SLC36A1: variants seen among roughly 807,000 people sequenced by gnomAD.
SLC36A1 encodes the protein proton-coupled amino acid transporter 1.
In SLC36A1, 30 loss-of-function variants were observed where a neutral mutation model predicts 47.5. The observed-to-expected ratio is 0.63, with a 90% CI of 0.47 to 0.86. The LOEUF (loss-of-function observed/expected upper bound fraction) is 0.86. Ranked by LOEUF, SLC36A1 falls within the 40% of genes least tolerant of loss-of-function variation. SLC36A1 has a pLI of 0.00. For missense variants in SLC36A1, 517 were observed against 606.0 expected (o/e 0.85, Z 1.54); for synonymous variants, 255 against 249.7 (o/e 1.02, Z -0.20).
chr5:151,471,484 A>G (rs898145326), intron 7 of SLC36A1, among the ~76,000 whole-genome samples: 4 of 152,216 alleles, frequency 2.6e-5, no homozygotes, highest in East Asian at 3.8e-4. Context: ...GATCTGATGT[A>G]TGAATAAGAG....
the SLC36A1 span, among the ~76,000 whole-genome samples, chr5:151,525,547 A>G: frequency 2.0e-5 from 3 of 151,394 alleles, no homozygotes; most frequent in East Asian, 5.8e-4. Flanking sequence ...AGTCACTTAA[A>G]TCCCCTGTGT....
At chr5:151,439,522 G>T (rs1286099922) in intron 1 of SLC36A1, among the ~76,000 whole-genome samples, 1 of 151,982 alleles carries the variant, frequency 6.6e-6, no homozygotes, top group East Asian at 1.9e-4. Flanking sequence ...GCGTGGTGGT[G>T]TGTGCCTGTA....
chr5:151,352,978 C>T, the SLC36A1 span, among the ~76,000 whole-genome samples: 4 of 152,230 alleles, frequency 2.6e-5, no homozygotes, highest in South Asian at 2.1e-4. Flanking sequence ...TGGGGCTAGA[C>T]CCCCTCTGGA....
chr5:151,488,428 G>T lies in SLC36A1; in HGVS notation c.*174G>T. On this transcript the variant is annotated 3_prime_UTR_variant, in exon 11 of 11. Coordinates refer to ENST00000243389, the MANE Select transcript of SLC36A1 (RefSeq NM_078483.4). ...CAGGTAACCTGAGGGCAGGGGAGAGGTGGGGTGGCAGACACGCAGAAGTGC... is the reference window on the plus strand; with the variant it reads ...CAGGTAACCTGAGGGCAGGGGAGAGTTGGGGTGGCAGACACGCAGAAGTGC... 1 of 797,662 alleles carries T rather than the reference G, an allele frequency of 1.3e-6. No homozygotes were observed. The allele number at this position is 797,662 out of a possible 1,614,324, so 49.4% of individuals were successfully genotyped here.
chr5:151,533,758 A>G, the SLC36A1 span, among the ~76,000 whole-genome samples: 1 of 149,850 alleles, frequency 6.7e-6, no homozygotes, highest in Non-Finnish European at 1.5e-5. Context: ...TATATATGTG[A>G]TATATATATA....
the SLC36A1 span, among the ~76,000 whole-genome samples, chr5:151,396,877 C>T: frequency 6.6e-6 from 1 of 152,188 alleles, no homozygotes; most frequent in African/African-American, 2.4e-5. Flanking sequence ...GTTCTTGAAG[C>T]TAGCAAGTGA....
At chr5:151,436,457 A>T (rs992362545), upstream of SLC36A1, among the ~76,000 whole-genome samples, 8 of 152,130 alleles carry the variant, frequency 5.3e-5, no homozygotes, top group African/African-American at 1.7e-4. Flanking sequence ...ATGGCAAATT[A>T]TGATCAAGGA....
the SLC36A1 span, among the ~76,000 whole-genome samples, chr5:151,384,178 G>A: frequency 6.6e-6 from 1 of 152,140 alleles, no homozygotes; most frequent in Non-Finnish European, 1.5e-5. Context: ...TTGGGCATCA[G>A]GAGACCTGTG....
At chr5:151,423,877 G>GT in the SLC36A1 span, among the ~76,000 whole-genome samples, 1 of 152,204 alleles carries the variant, frequency 6.6e-6, no homozygotes, top group Non-Finnish European at 1.5e-5. Flanking sequence ...GAGGCAGTGA[G>GT]TGTGTGTAGG....
At chr5:151,542,799 A>T in the SLC36A1 span, 1 of 1,614,188 alleles carries the variant, frequency 6.2e-7, no homozygotes, top group East Asian at 2.2e-5. Context: ...AGGACACCAC[A>T]TCAGTGTTCT....
the SLC36A1 span, among the ~76,000 whole-genome samples, chr5:151,394,563 T>A: frequency 2.0e-5 from 3 of 152,324 alleles, no homozygotes; most frequent in African/African-American, 7.2e-5. Context: ...ATGATGGTGA[T>A]GTACAGATGG....
At chr5:151,534,738 CAG>C in the SLC36A1 span, 1 of 1,070,984 alleles carries the variant, frequency 9.3e-7, no homozygotes, top group Non-Finnish European at 1.4e-6. Flanking sequence ...CCCAGCCACA[CAG>C]AGTTTTGTTC....
chr5:151,545,112 G>A, the SLC36A1 span: 1 of 1,614,188 alleles, frequency 6.2e-7, no homozygotes, highest in Non-Finnish European at 8.5e-7. Flanking sequence ...TGCCATTCAA[G>A]AGAAAGTAGG....
chr5:151,410,046 G>A, the SLC36A1 span, among the ~76,000 whole-genome samples: 1 of 152,230 alleles, frequency 6.6e-6, no homozygotes, highest in African/African-American at 2.4e-5. Flanking sequence ...AGGTTTCGGA[G>A]ATAGGTATTA....
At chr5:151,507,738 A>C in the SLC36A1 span, 2 of 796,514 alleles carry the variant, frequency 2.5e-6, no homozygotes, top group Non-Finnish European at 3.9e-6. Context: ...TCACCCCCCA[A>C]AAAAGTAACT....
chr5:151,438,439 C>G (rs574749332), intron 1 of SLC36A1, among the ~76,000 whole-genome samples: 42 of 151,950 alleles, frequency 2.8e-4, no homozygotes, highest in African/African-American at 9.6e-4. Context: ...TACCTTAGGA[C>G]CCACCTGGCA....
chr5:151,465,264 A>G, intron 5 of SLC36A1, 95 bp downstream of exon 5: 1 of 1,010,506 alleles, frequency 9.9e-7, no homozygotes, highest in South Asian at 1.3e-5. Flanking sequence ...AAGCGTGGAA[A>G]GAGTGCTGTT....
chr5:151,543,629 C>A, the SLC36A1 span: 2 of 1,614,160 alleles, frequency 1.2e-6, no homozygotes, highest in South Asian at 1.1e-5. Flanking sequence ...AAATCAATCA[C>A]CTTGGTTCCA....
At chr5:151,503,351 A>G in the SLC36A1 span, among the ~76,000 whole-genome samples, 1 of 148,218 alleles carries the variant, frequency 6.7e-6, no homozygotes, top group Non-Finnish European at 1.5e-5. Context: ...CCTTCCATTC[A>G]GTGTTTCTGT....
Sources: allele counts gnomAD v4.1 joint callset (sites outside exome capture counted in the v4.1 genomes callset), GRCh38; gene constraint gnomAD v4.1.1; transcripts MANE v1.5; gene names NCBI Gene and HGNC (gene_info 2026-07-23, HGNC 2026-07-21).